The following ENTPD7 variants were observed in gnomAD, a reference collection of about 807,000 sequenced individuals.
ENTPD7 encodes the protein NTPDase 7.
Under a neutral mutation model 77.9 loss-of-function variants are expected in ENTPD7, and 53 were observed. That is an observed-to-expected ratio of 0.68 (90% CI 0.55 to 0.85). ENTPD7 has a LOEUF of 0.85. Among genes scored for constraint, ENTPD7 ranks in the 40% least tolerant of loss-of-function variants. The pLI is 0.00. For synonymous variants in ENTPD7, 248 were observed against 274.9 expected (o/e 0.90, Z 0.97); for missense variants, 636 against 743.7 (o/e 0.86, Z 1.68).
intron 5 of ENTPD7, among the ~76,000 whole-genome samples, chr10:99,681,144 A>G (rs925915451): frequency 6.6e-5 from 10 of 152,152 alleles, no homozygotes; most frequent in African/African-American, 2.2e-4. Context: ...TTGTTTCCAC[A>G]TCTTGGTTAT....
chr10:99,663,584 C>A (rs955430882), intron 3 of ENTPD7, among the ~76,000 whole-genome samples: 1 of 151,920 alleles, frequency 6.6e-6, no homozygotes, highest in Non-Finnish European at 1.5e-5. Context: ...CTCAGCCTCC[C>A]GAGTAACTGG....
chr10:99,683,409 A>AT (rs1295234798), intron 5 of ENTPD7, among the ~76,000 whole-genome samples: 4 of 152,106 alleles, frequency 2.6e-5, no homozygotes, highest in Non-Finnish European at 5.9e-5. Flanking sequence ...CCTCCCTTTT[A>AT]TTTTGCAGTT....
At chr10:99,679,142 G>A (rs1174658883) in intron 3 of ENTPD7, 119 bp from the exon 4 acceptor site, 2 of 869,038 alleles carry the variant, frequency 2.3e-6, no homozygotes, top group Non-Finnish European at 3.6e-6. Flanking sequence ...AGGACTGGTA[G>A]TCCCATGTGC....
chr10:99,683,326 G>C (rs1315435395), intron 5 of ENTPD7, among the ~76,000 whole-genome samples: 2 of 152,192 alleles, frequency 1.3e-5, no homozygotes, highest in African/African-American at 2.4e-5. Context: ...GAACCATTTA[G>C]ACTATATTTT....
intron 6 of ENTPD7, among the ~76,000 whole-genome samples, chr10:99,686,817 TGAGACTCTGGGTCCTGTTTAAATCAAA>T (rs1353764676): frequency 2.6e-5 from 4 of 151,992 alleles, no homozygotes; most frequent in African/African-American, 9.7e-5. Flanking sequence ...TATTACATTA[TGAGACTCTGGGTCCTGTTTAAATCAAA>T]GAGAACTTTT....
In ENTPD7 at chr10:99,698,447, A is replaced by G. The variant is rs559344978; in HGVS notation, c.1011-87A>G. On this transcript the variant is annotated intron_variant, in intron 9 of 12. Transcript: ENST00000370489. ...ATATCATGAAAACCAGTAGTAAGAT[A>G]TTTCTGATGCACATTGTGTTTCTTA... is the stretch of plus-strand genomic sequence containing the variant. 42 of 1,308,652 alleles carry G rather than the reference A, an allele frequency of 3.2e-5. No individual in the cohort carries two copies. In the African/African-American group the frequency reaches 5.6e-4, roughly 17 times the overall value. 81.1% of individuals were successfully genotyped at this position (1,308,652 alleles called of 1,614,324 possible).
rs1429919528 is a variant in ENTPD7, at chr10:99,698,681, G to A, written c.1158G>A (p.Leu386=). 1.2e-6 allele frequency: 2 copies of A among 1,614,176 alleles called. No homozygotes were observed. Among genetic ancestry groups the A allele is most frequent in the Non-Finnish European group, 1.7e-6 (2 of 1,180,044 alleles). Residue 386 remains leucine (L), a synonymous_variant, in exon 10 of 13, where the codon CTG becomes CTA. Coordinates refer to ENST00000370489, the MANE Select transcript of ENTPD7 (RefSeq NM_020354.5). ...ACTGGGTGTCTTGTGGGGCAATGCTGAGCCCCCTGCTGGCTCGCTCCAACA... is the reference window on the plus strand; with the variant it reads ...ACTGGGTGTCTTGTGGGGCAATGCTAAGCCCCCTGCTGGCTCGCTCCAACA... ...RGDWVSCGAM[L]SPLLARSNTS...
intron 3 of ENTPD7, among the ~76,000 whole-genome samples, chr10:99,669,198 T>C (rs2035588247): frequency 6.6e-6 from 1 of 152,068 alleles, no homozygotes; most frequent in African/African-American, 2.4e-5. Context: ...TTTATGGTCT[T>C]GACAAATAAG....
rs1162213793 is a variant in ENTPD7 at position 99,708,191 on chromosome 10, T to TTAAC, written c.*3510_*3513dup. Among the ~76,000 whole-genome samples the TTAAC allele has an allele frequency of 6.6e-6, 1 of 152,154 alleles. No homozygotes were observed. The highest frequency in any genetic ancestry group is 2.4e-5 in the African/African-American group (1 of 41,434). ...CCCCTCCTCATCCTAAGAGATTCCT[T>TTAAC]TAACTTCAAGATCATATCCAGTGAT... On this transcript the variant is annotated 3_prime_UTR_variant, in exon 13 of 13. Transcript: ENST00000370489.
chr10:99,666,926 C>T (rs1487367073), intron 3 of ENTPD7, among the ~76,000 whole-genome samples: 1 of 152,164 alleles, frequency 6.6e-6, no homozygotes, highest in African/African-American at 2.4e-5. Flanking sequence ...TAAGTTGTAC[C>T]ATTGTAAGTC....
At chr10:99,700,402 GTGTGTGTGTGTA>G (rs1246766561) in intron 10 of ENTPD7, among the ~76,000 whole-genome samples, 1,180 of 8,388 alleles carry the variant, frequency 0.14, 11 homozygotes, top group Middle Eastern at 0.28. Flanking sequence ...CCGTGTGTGT[GTGTGTGTGTGTA>G]TGTGTGTGTG....
intron 3 of ENTPD7, among the ~76,000 whole-genome samples, chr10:99,670,861 T>C (rs1195048648): frequency 6.6e-6 from 1 of 151,482 alleles, no homozygotes; most frequent in Non-Finnish European, 1.5e-5. Flanking sequence ...CTACAGAAAA[T>C]TTAGAAATTA....
Position 99,704,493 on chromosome 10 carries a change from G to A in ENTPD7, c.1625G>A (p.Trp542Ter), listed in dbSNP as rs2036208285. ...GGTGTCCGACAAGCCCATGGTAGCT[G>A]GTTCCGTCTCTCCTTTGTATACAAC... ...QEGVRQAHGS[W>*]FRLSFVYNHY... Residue 542 changes from tryptophan to a stop codon, truncating the protein, a stop_gained, in exon 13 of 13, where the codon TGG (tryptophan) becomes TAG (stop). Coordinates refer to ENST00000370489, the MANE Select transcript of ENTPD7 (RefSeq NM_020354.5). LOFTEE classifies it high-confidence loss of function. The A allele has an allele frequency of 6.2e-7, 1 of 1,614,110 alleles. No individual in the cohort carries two copies. Among genetic ancestry groups the A allele is most frequent in the Non-Finnish European group, 8.5e-7 (1 of 1,180,044 alleles).
At chr10:99,664,056 A>G (rs2035519379) in intron 3 of ENTPD7, among the ~76,000 whole-genome samples, 1 of 151,804 alleles carries the variant, frequency 6.6e-6, no homozygotes, top group African/African-American at 2.4e-5. Context: ...CTACTGTTCT[A>G]TCCAGTGAAA....
At chr10:99,691,345 T>G in intron 7 of ENTPD7, 40 bp from the exon 8 acceptor site, 1 of 1,587,690 alleles carries the variant, frequency 6.3e-7, no homozygotes, top group Non-Finnish European at 8.5e-7. Context: ...AATTTTATTT[T>G]TTAATTACTA....
intron 3 of ENTPD7, among the ~76,000 whole-genome samples, chr10:99,665,979 C>A (rs1480122012): frequency 6.6e-6 from 1 of 152,196 alleles, no homozygotes; most frequent in Non-Finnish European, 1.5e-5. Flanking sequence ...ATTTTCTTGA[C>A]AGACCTGCGC....
chr10:99,661,621 T>C lies in ENTPD7; in HGVS notation c.184T>C (p.Tyr62His). ...TGCTTCATTACCACGAGATAGGCAATACGAAAGGTGAGTCAGCTTTAGATT... is the reference window on the plus strand; with the variant it reads ...TGCTTCATTACCACGAGATAGGCAACACGAAAGGTGAGTCAGCTTTAGATT... ...WSASLPRDRQ[Y>H]ERYLARVGEL... Residue 62 changes from tyrosine to histidine, a missense_variant, in exon 3 of 13, where the codon TAC (tyrosine) becomes CAC (histidine). By Grantham distance (83) the Tyr-to-His change is moderately conservative. This residue lies in a region of ENTPD7 where 486 missense variants were observed against 556.5 expected (regional missense o/e 0.87). Transcript: ENST00000370489. The C allele has an allele frequency of 6.2e-7, 1 of 1,603,950 alleles. No homozygotes were observed. Among genetic ancestry groups the C allele is most frequent in the East Asian group, 2.2e-5 (1 of 44,650 alleles).
At chr10:99,679,207 C>A in intron 3 of ENTPD7, 54 bp from the exon 4 acceptor site, 1 of 1,551,006 alleles carries the variant, frequency 6.4e-7, no homozygotes, top group Non-Finnish European at 8.8e-7. Context: ...TAAGTGAGGG[C>A]GCCTTTCATG....
chr10:99,697,137 T>C, intron 9 of ENTPD7, among the ~76,000 whole-genome samples: 1 of 152,198 alleles, frequency 6.6e-6, no homozygotes, highest in Non-Finnish European at 1.5e-5. Flanking sequence ...CCCATAAGTC[T>C]ATTTTGTTTT....
Sources: gnomAD v4.1 joint callset for allele counts (sites outside exome capture counted in the v4.1 genomes callset) on GRCh38, gnomAD v4.1.1 for gene constraint, gnomAD v4.1.1 regional missense constraint, MANE v1.5 for transcripts, NCBI Gene and HGNC (gene_info 2026-07-23, HGNC 2026-07-21) for gene names.